Variants in SNTG1 observed in about 807,000 individuals in gnomAD.
The protein encoded by SNTG1 is syntrophin gamma 1.
A neutral mutation model predicts 74.7 loss-of-function variants in SNTG1; 39 were observed. The observed-to-expected ratio is 0.52, with a 90% CI of 0.40 to 0.68. The LOEUF is 0.68. Ranked by LOEUF, SNTG1 falls within the 30% of genes least tolerant of loss-of-function variation. The probability of loss-of-function intolerance (pLI) is 0.00; values close to 1 mark genes in which losing one functional copy is unlikely to be tolerated. For synonymous variants in SNTG1, 254 were observed against 217.1 expected (o/e 1.17, Z -1.49); for missense variants, 685 against 609.5 (o/e 1.12, Z -1.30).
chr8:50,327,753 T>G (rs1475143730), intron 2 of SNTG1, among the ~76,000 whole-genome samples: 2 of 152,132 alleles, frequency 1.3e-5, no homozygotes, highest in Non-Finnish European at 1.5e-5. Context: ...CCATTCTGTT[T>G]CTGCATTTTT....
intron 2 of SNTG1, among the ~76,000 whole-genome samples, chr8:50,336,572 G>A (rs2091151021): frequency 6.6e-6 from 1 of 152,062 alleles, no homozygotes. Context: ...CATAGTTATA[G>A]TTTGTCTTTT....
chr8:50,233,702 T>C (rs1162833102), intron 2 of SNTG1, among the ~76,000 whole-genome samples: 3 of 143,620 alleles, frequency 2.1e-5, no homozygotes, highest in Non-Finnish European at 4.6e-5. Flanking sequence ...TCTCAAAACT[T>C]CACTTTAAAA....
intron 4 of SNTG1, among the ~76,000 whole-genome samples, chr8:50,430,025 C>T (rs935550301): frequency 5.3e-5 from 8 of 152,004 alleles, no homozygotes; most frequent in Admixed American, 3.9e-4. Flanking sequence ...AGTGACATGG[C>T]CACATTGAAA....
At chr8:50,115,873 C>A (rs536079097) in intron 1 of SNTG1, among the ~76,000 whole-genome samples, 1 of 152,054 alleles carries the variant, frequency 6.6e-6, no homozygotes, top group South Asian at 2.1e-4. Context: ...TACCACCCAC[C>A]GCCCCCCAAC....
chr8:49,976,668 GGA>G (rs1812220364), intron 1 of SNTG1, among the ~76,000 whole-genome samples: 2 of 152,158 alleles, frequency 1.3e-5, no homozygotes, highest in African/African-American at 4.8e-5. Context: ...AACCATACCA[GGA>G]TTAGAAGAGT....
At chr8:50,692,921 T>G (rs1178355652) in intron 15 of SNTG1, among the ~76,000 whole-genome samples, 1 of 152,198 alleles carries the variant, frequency 6.6e-6, no homozygotes, top group Non-Finnish European at 1.5e-5. Context: ...TCCTGGCCAC[T>G]TCATTTACCT....
chr8:50,287,760 C>G (rs1662232664), intron 2 of SNTG1, among the ~76,000 whole-genome samples: 1 of 152,118 alleles, frequency 6.6e-6, no homozygotes, highest in African/African-American at 2.4e-5. Flanking sequence ...TCACTTGCTC[C>G]CCAAGAACCC....
intron 8 of SNTG1, among the ~76,000 whole-genome samples, chr8:50,459,777 G>C (rs2093543105): frequency 6.6e-6 from 1 of 152,240 alleles, no homozygotes; most frequent in Non-Finnish European, 1.5e-5. Flanking sequence ...TTGGTTTTCT[G>C]TTCCTGTATT....
chr8:50,450,876 T>A, intron 8 of SNTG1, 147 bp downstream of exon 8: 1 of 788,884 alleles, frequency 1.3e-6, no homozygotes, highest in South Asian at 1.9e-5. Context: ...CTTAATTTTT[T>A]TTTAAATTAG....
intron 9 of SNTG1, among the ~76,000 whole-genome samples, chr8:50,521,187 G>A (rs966236681): frequency 6.6e-6 from 1 of 151,946 alleles, no homozygotes; most frequent in Non-Finnish European, 1.5e-5. Context: ...CCAAACACCA[G>A]GTTCTCACTC....
At chr8:50,380,880 G>A (rs1299843147) in intron 2 of SNTG1, 2 of 152,138 alleles carry the variant, frequency 1.3e-5, no homozygotes, top group African/African-American at 4.8e-5. Flanking sequence ...CTAGACAGAG[G>A]CCACATCTGA....
chr8:50,153,092 C>A (rs529277232), intron 1 of SNTG1, among the ~76,000 whole-genome samples: 7 of 152,270 alleles, frequency 4.6e-5, no homozygotes, highest in African/African-American at 1.2e-4. Flanking sequence ...TTCTTGGAGG[C>A]CTTGTTCGTT....
At chr8:50,217,378 T>G (rs997853062) in intron 2 of SNTG1, among the ~76,000 whole-genome samples, 2 of 152,068 alleles carry the variant, frequency 1.3e-5, no homozygotes, top group African/African-American at 2.4e-5. Context: ...GCACTATATA[T>G]ATATTATATG....
chr8:50,082,561 G>C (rs1822507577), intron 1 of SNTG1, among the ~76,000 whole-genome samples: 3 of 152,006 alleles, frequency 2.0e-5, no homozygotes, highest in African/African-American at 4.8e-5. Flanking sequence ...CTTAAGAGTG[G>C]GTTCATCTTA....
intron 1 of SNTG1, among the ~76,000 whole-genome samples, chr8:50,115,336 GTGGGTGGA>G (rs1232162184): frequency 2.6e-5 from 4 of 151,872 alleles, no homozygotes; most frequent in African/African-American, 9.7e-5. Flanking sequence ...GGAGGCCGAG[GTGGGTGGA>G]TCACCTGAGG....
At chr8:50,202,790 G>C (rs1363702635) in intron 2 of SNTG1, among the ~76,000 whole-genome samples, 2 of 136,238 alleles carry the variant, frequency 1.5e-5, no homozygotes, top group Non-Finnish European at 3.1e-5. Context: ...CTTTCTCTTT[G>C]TTTTGTTTTT....
At chr8:50,453,701 G>T (rs967494690) in intron 8 of SNTG1, among the ~76,000 whole-genome samples, 1 of 152,178 alleles carries the variant, frequency 6.6e-6, no homozygotes, top group African/African-American at 2.4e-5. Flanking sequence ...CAATTAATTG[G>T]TAATACATTA....
chr8:49,924,585 T>TAC (rs1806848387), intron 1 of SNTG1, among the ~76,000 whole-genome samples: 1 of 152,112 alleles, frequency 6.6e-6, no homozygotes, highest in Non-Finnish European at 1.5e-5. Flanking sequence ...GATGATCAGG[T>TAC]TAGGAAGCTG....
intron 2 of SNTG1, among the ~76,000 whole-genome samples, chr8:50,213,477 T>A (rs986672656): frequency 6.6e-6 from 1 of 152,198 alleles, no homozygotes; most frequent in Non-Finnish European, 1.5e-5. Context: ...GAAAATAAAC[T>A]ATTTTGTCAT....
Sources: gnomAD v4.1 joint callset for allele counts (sites outside exome capture counted in the v4.1 genomes callset) on GRCh38, gnomAD v4.1.1 for gene constraint, MANE v1.5 for transcripts, NCBI Gene and HGNC (gene_info 2026-07-23, HGNC 2026-07-21) for gene names.